Variants in OSBPL10 observed in about 807,000 individuals in gnomAD.
OSBPL10 encodes oxysterol-binding protein-related protein 10.
A neutral mutation model predicts 81.7 loss-of-function variants in OSBPL10; 49 were observed. The observed-to-expected ratio is 0.60, with a 90% CI of 0.48 to 0.76. The LOEUF is 0.76. Ranked by LOEUF, OSBPL10 falls within the 30% of genes least tolerant of loss-of-function variation. The pLI is 0.00. For synonymous variants in OSBPL10, 419 were observed against 383.6 expected (o/e 1.09, Z -1.08); for missense variants, 923 against 987.8 (o/e 0.93, Z 0.88).
At chr3:31,971,279 T>C (rs934600873) in intron 1 of OSBPL10, among the ~76,000 whole-genome samples, 2 of 152,110 alleles carry the variant, frequency 1.3e-5, no homozygotes, top group African/African-American at 2.4e-5. Flanking sequence ...TAGCTGGGAT[T>C]ACGGGCGCAT....
chr3:31,791,679 G>A (rs1208051731), intron 4 of OSBPL10, among the ~76,000 whole-genome samples: 1 of 151,554 alleles, frequency 6.6e-6, no homozygotes, highest in Admixed American at 6.6e-5. Context: ...ACTAAGCTGT[G>A]TACGGCCAAA....
rs527378807 is a variant in OSBPL10, at chr3:31,794,168, G to A, written c.729+35872C>T. 1.3e-3 allele frequency among the ~76,000 whole-genome samples: 205 copies of A among 152,326 alleles called. 6 individuals are homozygous for A. The South Asian group carries it at 0.041, about 30-fold the overall frequency. On this transcript the variant is annotated intron_variant, in intron 4 of 11. Coordinates refer to ENST00000396556, the MANE Select transcript of OSBPL10 (RefSeq NM_017784.5). ...TAGTTTTTCTGTTTGTTTTGAGACA[G>A]AGTCTTGCTCTTGTTGTCCAGGTTG...
intron 8 of OSBPL10, among the ~76,000 whole-genome samples, chr3:31,678,891 C>A (rs536619635): frequency 1.3e-5 from 2 of 151,656 alleles, no homozygotes; most frequent in African/African-American, 4.8e-5. Context: ...TTGCACTGGG[C>A]CCTCTCCACT....
At chr3:31,865,751 G>C (rs898823078) in intron 3 of OSBPL10, among the ~76,000 whole-genome samples, 1 of 152,170 alleles carries the variant, frequency 6.6e-6, no homozygotes, top group African/African-American at 2.4e-5. Context: ...TCATATAAAA[G>C]AGGTATTCAG....
intron 3 of OSBPL10, among the ~76,000 whole-genome samples, chr3:31,834,976 C>G (rs1231692575): frequency 6.6e-6 from 1 of 152,090 alleles, no homozygotes; most frequent in East Asian, 1.9e-4. Flanking sequence ...TGAGAAAAGA[C>G]ACATAAAGCA....
chr3:31,792,635 CA>C (rs1466541433), intron 4 of OSBPL10, among the ~76,000 whole-genome samples: 1 of 151,154 alleles, frequency 6.6e-6, no homozygotes, highest in African/African-American at 2.4e-5. Flanking sequence ...TTTACGCTGT[CA>C]GCTATCCAGA....
rs1699774306 is a variant in OSBPL10, at chr3:32,065,964, A to G, written n.185+11432T>C. Among the ~76,000 whole-genome samples, 2 of 57,690 alleles carry G rather than the reference A, an allele frequency of 3.5e-5. 1 individual carries two copies. The allele number at this position is 57,690 out of a possible 152,430, so 37.8% of individuals were successfully genotyped here. A position where few individuals can be genotyped will look rare whatever the true frequency, so the allele number is the denominator to read the frequency against. Reference sequence around the variant, plus strand: ...AGAAAGAAGAAAGAAAGAAAGAAAGAAAGAAAGAAAGAAAGAAAGAAAGAA... The same window carrying G: ...AGAAAGAAGAAAGAAAGAAAGAAAGGAAGAAAGAAAGAAAGAAAGAAAGAA... On this transcript the variant is annotated intron_variant and non_coding_transcript_variant, in intron 1 of 3. Transcript: ENST00000479173.
At chr3:31,865,814 C>CA (rs1183438047) in intron 3 of OSBPL10, among the ~76,000 whole-genome samples, 1 of 152,164 alleles carries the variant, frequency 6.6e-6, no homozygotes, top group Non-Finnish European at 1.5e-5. Context: ...AATGAGTTAC[C>CA]AGCAGTACCC....
At chr3:31,770,290 G>A (rs1698340965) in intron 4 of OSBPL10, among the ~76,000 whole-genome samples, 1 of 152,088 alleles carries the variant, frequency 6.6e-6, no homozygotes, top group Admixed American at 6.5e-5. Context: ...ACTCTACAAT[G>A]CTGTTAATGC....
chr3:31,792,249 G>A (rs920941808), intron 4 of OSBPL10, among the ~76,000 whole-genome samples: 2 of 151,260 alleles, frequency 1.3e-5, no homozygotes, highest in East Asian at 1.9e-4. Context: ...TGATAAAAAT[G>A]AGCAAGTCGT....
intron 6 of OSBPL10, among the ~76,000 whole-genome samples, chr3:31,708,144 C>G (rs1041754299): frequency 1.3e-5 from 2 of 151,964 alleles, no homozygotes; most frequent in African/African-American, 2.4e-5. Flanking sequence ...GCTATGTTGC[C>G]AAAGTTGGTC....
rs1220384024 is a variant in OSBPL10 at position 31,901,345 on chromosome 3, A to AG, written c.282-21516dup. ...TGTGCCTACAGGTCTTACATGATGTAGCTCAGCTCACCTCTGCAGTCTGCT... is the reference window on the plus strand; with the variant it reads ...TGTGCCTACAGGTCTTACATGATGTAGGCTCAGCTCACCTCTGCAGTCTGCT... On this transcript the variant is annotated intron_variant, in intron 1 of 11. Transcript: ENST00000396556. Among the ~76,000 whole-genome samples, 4 of 152,372 alleles carry AG rather than the reference A, an allele frequency of 2.6e-5. No individual in the cohort carries two copies. In the East Asian group the frequency reaches 7.7e-4, roughly 29 times the overall value.
intron 1 of OSBPL10, among the ~76,000 whole-genome samples, chr3:31,925,618 G>A (rs1697050199): frequency 6.6e-6 from 1 of 152,014 alleles, no homozygotes; most frequent in African/African-American, 2.4e-5. Flanking sequence ...TTCAAGACCA[G>A]CCTGGCCAAT....
At chr3:31,867,090 C>T (rs1188319649) in intron 3 of OSBPL10, among the ~76,000 whole-genome samples, 1 of 152,180 alleles carries the variant, frequency 6.6e-6, no homozygotes, top group East Asian at 1.9e-4. Context: ...AATCTAACCA[C>T]AGTGTCTTCA....
intron 3 of OSBPL10, among the ~76,000 whole-genome samples, chr3:31,858,040 G>A (rs1340259084): frequency 6.7e-6 from 1 of 150,012 alleles, no homozygotes; most frequent in African/African-American, 2.5e-5. Context: ...CTATTGCCCA[G>A]ACTGGAGTGC....
At chr3:31,698,322 G>A (rs1018812159) in intron 7 of OSBPL10, among the ~76,000 whole-genome samples, 2 of 151,856 alleles carry the variant, frequency 1.3e-5, no homozygotes, top group East Asian at 2.0e-4. Flanking sequence ...ATGGTGACAC[G>A]CACCTGTGAT....
intron 6 of OSBPL10, among the ~76,000 whole-genome samples, chr3:31,731,634 G>T (rs538395550): frequency 6.6e-6 from 1 of 151,972 alleles, no homozygotes; most frequent in African/African-American, 2.4e-5. Context: ...GATTACAGGC[G>T]TGTGCCACCA....
intron 2 of OSBPL10, among the ~76,000 whole-genome samples, chr3:32,022,559 A>T (rs892599229): frequency 1.3e-5 from 2 of 152,052 alleles, no homozygotes; most frequent in African/African-American, 4.8e-5. Context: ...GCTGAGGCGG[A>T]TGGATTGCTT....
At chr3:31,826,126 C>T (rs1411226232) in intron 4 of OSBPL10, among the ~76,000 whole-genome samples, 1 of 152,166 alleles carries the variant, frequency 6.6e-6, no homozygotes, top group Non-Finnish European at 1.5e-5. Flanking sequence ...ATTGTTTCCT[C>T]AGGTATGATT....
Sources: allele counts gnomAD v4.1 joint callset (sites outside exome capture counted in the v4.1 genomes callset), GRCh38; gene constraint gnomAD v4.1.1; transcripts MANE v1.5; gene names NCBI Gene and HGNC (gene_info 2026-07-23, HGNC 2026-07-21).